Variants in RINT1 observed in about 807,000 individuals in gnomAD.
RINT1 encodes RAD50-interacting protein 1.
A neutral mutation model predicts 97.7 loss-of-function variants in RINT1; 75 were observed. The ratio of observed to expected loss-of-function variants is 0.77; its 90% CI spans 0.64 to 0.93. RINT1 has a LOEUF of 0.93. RINT1 is among the 40% of genes least tolerant of loss of function. The pLI is 0.00. For synonymous variants in RINT1, 303 were observed against 326.3 expected, an observed-to-expected ratio of 0.93 and a Z score of 0.77; for missense variants, 892 against 925.2, an observed-to-expected ratio of 0.96 and a Z score of 0.47.
intron 4 of RINT1, among the ~76,000 whole-genome samples, chr7:105,544,675 T>C (rs1396249142): frequency 6.6e-6 from 1 of 152,206 alleles, no homozygotes; most frequent in Non-Finnish European, 1.5e-5. Flanking sequence ...CCTCAAGTCA[T>C]CTGCCTGCCT....
At chr7:105,564,515 A>G (rs1791601298) in intron 12 of RINT1, among the ~76,000 whole-genome samples, 1 of 152,124 alleles carries the variant, frequency 6.6e-6, no homozygotes, top group African/African-American at 2.4e-5. Flanking sequence ...CACCTGTGGT[A>G]CTCTGCATAC....
At chr7:105,548,781 T>C in intron 7 of RINT1, 71 bp downstream of exon 7, 1 of 1,422,356 alleles carries the variant, frequency 7.0e-7, no homozygotes, top group Non-Finnish European at 9.6e-7. Context: ...CCTTTGCTGG[T>C]TTAAGTTAAA....
chr7:105,538,939 G>C (rs1790351995), intron 3 of RINT1, among the ~76,000 whole-genome samples: 1 of 152,152 alleles, frequency 6.6e-6, no homozygotes, highest in Non-Finnish European at 1.5e-5. Context: ...TGTGCACATA[G>C]ACAGGTCTTT....
chr7:105,558,050 C>T (rs1247047817), intron 11 of RINT1, among the ~76,000 whole-genome samples: 2 of 152,076 alleles, frequency 1.3e-5, no homozygotes, highest in Non-Finnish European at 2.9e-5. Flanking sequence ...TGTGGTGGCT[C>T]ATGCCTGTAA....
rs1220266082 is a variant in RINT1 at position 105,565,342 on chromosome 7, T to G, written c.1952T>G (p.Leu651Trp). The G allele has an allele frequency of 1.9e-6, 3 of 1,614,230 alleles. No individual in the cohort carries two copies. Residue 651 changes from leucine (L) to tryptophan (W), a missense_variant, in exon 13 of 15, where the codon TTG (leucine) becomes TGG (tryptophan). Physicochemically the swap from Leu to Trp is moderately conservative, Grantham distance 61 (BLOSUM62 -2). Coordinates refer to ENST00000257700, the MANE Select transcript of RINT1 (RefSeq NM_021930.6). The part of the protein sequence containing the change: ...VMSLSSSACP[L>W]LLTLRDHLLQ... ...TCCCTGTCCAGTTCGGCTTGCCCGT[T>G]GCTGCTGACGTTACGAGACCATTTA...
At chr7:105,541,395 C>A (rs1790454534) in intron 3 of RINT1, among the ~76,000 whole-genome samples, 1 of 151,922 alleles carries the variant, frequency 6.6e-6, no homozygotes, top group South Asian at 2.1e-4. Context: ...TCTTGGCCTC[C>A]CAAACTGCTG....
chr7:105,547,589 A>G (rs560921226), intron 6 of RINT1, among the ~76,000 whole-genome samples: 128 of 152,194 alleles, frequency 8.4e-4, no homozygotes, highest in Non-Finnish European at 1.6e-3. Flanking sequence ...CTCTTGGGGC[A>G]ACAGAACAAA....
Position 105,551,578 on chromosome 7 carries a change from C to CA in RINT1, c.1348dup (p.Met450AsnfsTer16), listed in dbSNP as rs1554363883. ...TTTTGTCTGCTTATCAGTTGCTCTT[C>CA]AAAAAATGGACTCAATGCTTTCCTC... On this transcript the variant is annotated frameshift_variant, in exon 10 of 15. Transcript: ENST00000257700. LOFTEE classifies it high-confidence loss of function. The CA allele has an allele frequency of 6.3e-7, 1 of 1,597,444 alleles. No homozygotes were observed. Among genetic ancestry groups the CA allele is most frequent in the South Asian group, 1.1e-5 (1 of 88,204 alleles).
At chr7:105,566,918 T>C (rs904552276) in intron 14 of RINT1, 3 of 369,658 alleles carry the variant, frequency 8.1e-6, no homozygotes, top group African/African-American at 6.3e-5. Context: ...TCGTATTACC[T>C]TATAGTAATC....
intron 5 of RINT1, 44 bp from the exon 6 acceptor site, chr7:105,547,140 A>G: frequency 6.2e-7 from 1 of 1,613,654 alleles, no homozygotes; most frequent in East Asian, 2.2e-5. Context: ...TTTGGTGATC[A>G]TTTGGTGATG....
intron 6 of RINT1, among the ~76,000 whole-genome samples, chr7:105,547,539 C>T (rs191056294): frequency 4.6e-5 from 7 of 152,128 alleles, no homozygotes; most frequent in Admixed American, 1.3e-4. Context: ...GGAAGAGTTC[C>T]GGGATACATG....
In RINT1 at chr7:105,550,405, T is replaced by C. The variant is rs1790877872; in HGVS notation, c.1252T>C (p.Tyr418His). 1 of 1,614,198 alleles carries C rather than the reference T, an allele frequency of 6.2e-7. No individual in the cohort carries two copies. The highest frequency in any genetic ancestry group is 8.5e-7 in the Non-Finnish European group (1 of 1,180,020). Residue 418 changes from tyrosine to histidine, a missense_variant, in exon 9 of 15, where the codon TAT (tyrosine) becomes CAT (histidine). By Grantham distance (83) the Tyr-to-His change is moderately conservative. Coordinates refer to ENST00000257700, the MANE Select transcript of RINT1 (RefSeq NM_021930.6). Reference protein sequence around the residue: ...FERELHSVHGYPGTFASCMHI... With the variant: ...FERELHSVHGHPGTFASCMHI... Reference sequence around the variant, plus strand: ...AAGGGAGCTACACAGTGTTCATGGCTATCCTGGCACTTTTGCTAGTTGTAT... The same window carrying C: ...AAGGGAGCTACACAGTGTTCATGGCCATCCTGGCACTTTTGCTAGTTGTAT...
rs768162558 is a variant in RINT1, at chr7:105,567,146, T to C, written c.2214T>C (p.Asn738=). 13 of 1,581,018 alleles carry C rather than the reference T, an allele frequency of 8.2e-6. No homozygotes were observed. The highest frequency in any genetic ancestry group is 1.1e-5 in the Non-Finnish European group (13 of 1,168,382). ...KHIKEACIVL[N]LNVGSALLLK... is the part of the protein sequence containing the mutation. The stretch of plus-strand genomic sequence containing the variant: ...TAAAAGAAGCCTGTATTGTTTTGAA[T>C]TTGAACGTCGGTTCTGCACTACTGC... The change falls in exon 15 of 15, where the codon AAT becomes AAC. Residue 738 remains asparagine (N), a synonymous_variant. Coordinates refer to ENST00000257700, the MANE Select transcript of RINT1 (RefSeq NM_021930.6).
chr7:105,539,996 T>G (rs1045372031), intron 3 of RINT1, among the ~76,000 whole-genome samples: 6 of 152,186 alleles, frequency 3.9e-5, no homozygotes, highest in Admixed American at 1.3e-4. Flanking sequence ...TTCTATAATG[T>G]TCTTTGTATT....
At chr7:105,532,483 G>A in intron 1 of RINT1, 126 bp downstream of exon 1, 4 of 1,103,214 alleles carry the variant, frequency 3.6e-6, no homozygotes, top group Non-Finnish European at 5.2e-6. Flanking sequence ...CTGCGGCTTA[G>A]ATTAGAGGCC....
Position 105,532,872 on chromosome 7 carries a change from A to T in RINT1, c.88+3A>T, listed in dbSNP as rs781273192. ...AAGGAAGAACCTCGAGGAGAAAAGT[A>T]AGCCAGCTCCAAACACCTTAGCTTT... On this transcript the variant is annotated splice_donor_region_variant and intron_variant, in intron 2 of 14. Coordinates refer to ENST00000257700, the MANE Select transcript of RINT1 (RefSeq NM_021930.6). The T allele has an allele frequency of 9.3e-6, 15 of 1,614,060 alleles. No individual in the cohort carries two copies. Among genetic ancestry groups the T allele is most frequent in the Non-Finnish European group, 1.3e-5 (15 of 1,179,882 alleles).
In RINT1 at chr7:105,557,166, A is replaced by T. The variant is rs188399304; in HGVS notation, c.1671+1939A>T. ...ATACGGAATAAATCTGATAATGACT[A>T]TGAAAATTTTAATATGAATTATTAA... On this transcript the variant is annotated intron_variant, in intron 11 of 14. Coordinates refer to ENST00000257700, the MANE Select transcript of RINT1 (RefSeq NM_021930.6). Among the ~76,000 whole-genome samples, 260 of 152,230 alleles carry T rather than the reference A, an allele frequency of 1.7e-3. 2 individuals are homozygous for T. The highest frequency in any genetic ancestry group is 6.2e-3 in the African/African-American group (256 of 41,582).
At chr7:105,561,900 CAGA>C (rs896632798) in intron 11 of RINT1, among the ~76,000 whole-genome samples, 14 of 152,030 alleles carry the variant, frequency 9.2e-5, no homozygotes, top group African/African-American at 3.4e-4. Flanking sequence ...TTACCGTACA[CAGA>C]AGTTGAAAGA....
chr7:105,544,762 G>C (rs1376462631), intron 4 of RINT1, among the ~76,000 whole-genome samples: 1 of 152,126 alleles, frequency 6.6e-6, no homozygotes, highest in Non-Finnish European at 1.5e-5. Context: ...TATCTGAATT[G>C]TTTATAAGGG....
Sources: allele counts gnomAD v4.1 joint callset (sites outside exome capture counted in the v4.1 genomes callset), GRCh38; gene constraint gnomAD v4.1.1; transcripts MANE v1.5; gene names NCBI Gene and HGNC (gene_info 2026-07-23, HGNC 2026-07-21).